Variants in DGKI observed in about 807,000 individuals in gnomAD.
DGKI encodes the protein diacylglycerol kinase iota.
DGKI carries 55 observed loss-of-function variants against 147.5 expected under a neutral mutation model. That is an observed-to-expected ratio of 0.37 (90% CI 0.30 to 0.47). The LOEUF is 0.47. Among genes scored for constraint, DGKI ranks in the 20% least tolerant of loss-of-function variants. DGKI has a pLI of 1.00. For missense variants in DGKI, 1,007 were observed against 1,323.8 expected (o/e 0.76, Z 3.71); for synonymous variants, 469 against 477.1 (o/e 0.98, Z 0.22).
chr7:137,711,874 A>C lies in DGKI; in HGVS notation c.402-21872T>G, dbSNP rs548714260. Among the ~76,000 whole-genome samples the C allele has an allele frequency of 1.3e-5, 2 of 150,886 alleles. 1 individual carries two copies. The highest frequency in any genetic ancestry group is 4.9e-5 in the African/African-American group (2 of 41,070). On this transcript the variant is annotated intron_variant, in intron 1 of 32. Transcript: ENST00000614521. ...ACACCCAGCTAGTTTTTGTATTTTT[A>C]GTAGAGACGGGGTTTCACCACGTTG...
chr7:137,771,393 C>T (rs1796193603), intron 1 of DGKI, among the ~76,000 whole-genome samples: 1 of 152,138 alleles, frequency 6.6e-6, no homozygotes, highest in African/African-American at 2.4e-5. Context: ...GCCAGGCCAA[C>T]TTTCTTAAAT....
intron 26 of DGKI, among the ~76,000 whole-genome samples, chr7:137,465,010 A>C (rs1251687398): frequency 6.6e-6 from 1 of 152,216 alleles, no homozygotes; most frequent in Admixed American, 6.5e-5. Flanking sequence ...CTGGCACACA[A>C]AATTCTCTAA....
intron 1 of DGKI, among the ~76,000 whole-genome samples, chr7:137,759,611 G>A (rs1795795247): frequency 6.6e-6 from 1 of 152,184 alleles, no homozygotes; most frequent in South Asian, 2.1e-4. Flanking sequence ...CAAAGTGCTA[G>A]GATTACAGGC....
chr7:137,678,534 A>G (rs749557385), intron 3 of DGKI, 23 bp downstream of exon 3: 1 of 1,612,028 alleles, frequency 6.2e-7, no homozygotes, highest in Admixed American at 1.7e-5. Flanking sequence ...GCCTTCCCCC[A>G]GCAAGACGGA....
At chr7:137,410,722 C>A (rs903932603) in intron 29 of DGKI, among the ~76,000 whole-genome samples, 3 of 152,144 alleles carry the variant, frequency 2.0e-5, no homozygotes, top group Non-Finnish European at 2.9e-5. Flanking sequence ...CAGTGCTTTG[C>A]AAAATTTTCT....
intron 9 of DGKI, 28 bp from the exon 10 acceptor site, chr7:137,609,092 A>G: frequency 6.3e-7 from 1 of 1,581,522 alleles, no homozygotes; most frequent in Non-Finnish European, 8.7e-7. Context: ...CACTGTTAGG[A>G]TACACATCCA....
chr7:137,488,113 T>C (rs556916687), intron 21 of DGKI, among the ~76,000 whole-genome samples: 3 of 152,260 alleles, frequency 2.0e-5, no homozygotes, highest in African/African-American at 7.2e-5. Context: ...GAATTAAACA[T>C]TGAGGATTCT....
chr7:137,661,145 C>A (rs887418826), intron 3 of DGKI, among the ~76,000 whole-genome samples: 2 of 152,072 alleles, frequency 1.3e-5, no homozygotes, highest in Non-Finnish European at 2.9e-5. Context: ...GCTTCTACTG[C>A]GGTCCTAAGA....
intron 6 of DGKI, among the ~76,000 whole-genome samples, chr7:137,638,460 ATGTGTGTATATATGTG>A (rs1277055718): frequency 2.0e-4 from 10 of 50,700 alleles, no homozygotes; most frequent in African/African-American, 6.2e-4. Context: ...ACACATATAT[ATGTGTGTATATATGTG>A]TGTATATATA....
chr7:137,595,785 C>T (rs1376583740), intron 12 of DGKI, among the ~76,000 whole-genome samples: 1 of 151,688 alleles, frequency 6.6e-6, no homozygotes, highest in Non-Finnish European at 1.5e-5. Context: ...AGGTGGATCA[C>T]GAGGTCAGGA....
chr7:137,404,104 T>C (rs1197023171), intron 30 of DGKI, among the ~76,000 whole-genome samples: 2 of 152,198 alleles, frequency 1.3e-5, no homozygotes, highest in East Asian at 3.8e-4. Context: ...AAGGGTAATG[T>C]TTTCTGTGTA....
chr7:137,813,505 T>C (rs1396542400), intron 1 of DGKI, among the ~76,000 whole-genome samples: 1 of 152,092 alleles, frequency 6.6e-6, no homozygotes, highest in Non-Finnish European at 1.5e-5. Flanking sequence ...CCCTTGGGTG[T>C]TGAGTGTGCT....
intron 27 of DGKI, among the ~76,000 whole-genome samples, chr7:137,456,036 G>T (rs556717167): frequency 6.6e-6 from 1 of 152,144 alleles, no homozygotes; most frequent in South Asian, 2.1e-4. Context: ...GAATGCAGCC[G>T]GGGACCAACA....
At chr7:137,762,046 T>G (rs1795870770) in intron 1 of DGKI, among the ~76,000 whole-genome samples, 1 of 152,214 alleles carries the variant, frequency 6.6e-6, no homozygotes, top group Admixed American at 6.5e-5. Flanking sequence ...CTACTATTAC[T>G]GATTTTCTTA....
chr7:137,711,149 T>G (rs1042515445), intron 1 of DGKI, among the ~76,000 whole-genome samples: 1 of 152,170 alleles, frequency 6.6e-6, no homozygotes, highest in Admixed American at 6.5e-5. Context: ...GCTTACATAC[T>G]GTCACAAGGA....
chr7:137,617,949 T>C lies in DGKI; in HGVS notation c.993+1875A>G, dbSNP rs377632192. Among the ~76,000 whole-genome samples, 17 of 150,804 alleles carry C rather than the reference T, an allele frequency of 1.1e-4. No homozygotes were observed. The East Asian group carries it at 2.8e-3, about 24-fold the overall frequency. On this transcript the variant is annotated intron_variant, in intron 8 of 32. Transcript: ENST00000614521. ...ATTCATTATAACCTTTTTCTTCATT[T>C]GCTTGAAAATTTCCATAACAAAAAG...
chr7:137,706,525 AT>A (rs1274609483), intron 1 of DGKI, among the ~76,000 whole-genome samples: 1 of 148,704 alleles, frequency 6.7e-6, no homozygotes, highest in Non-Finnish European at 1.5e-5. Flanking sequence ...ATTTTATTTT[AT>A]TTCATTTTAT....
chr7:137,536,281 T>C (rs931897022), intron 20 of DGKI, among the ~76,000 whole-genome samples: 1 of 152,180 alleles, frequency 6.6e-6, no homozygotes, highest in African/African-American at 2.4e-5. Context: ...TGTCTTCTCA[T>C]CTAGGGAATG....
intron 1 of DGKI, among the ~76,000 whole-genome samples, chr7:137,703,138 C>A (rs1331345140): frequency 6.6e-6 from 1 of 152,156 alleles, no homozygotes; most frequent in Non-Finnish European, 1.5e-5. Flanking sequence ...GGAAGCATGA[C>A]TGGAAGGTCT....
Sources: gnomAD v4.1 joint callset for allele counts (sites outside exome capture counted in the v4.1 genomes callset) on GRCh38, gnomAD v4.1.1 for gene constraint, MANE v1.5 for transcripts, NCBI Gene and HGNC (gene_info 2026-07-23, HGNC 2026-07-21) for gene names.